Variants in HABP2 observed in about 807,000 individuals in gnomAD.
HABP2 encodes factor VII-activating protease.
HABP2 carries 65 observed loss-of-function variants against 66.5 expected under a neutral mutation model. The ratio of observed to expected loss-of-function variants is 0.98; its 90% CI spans 0.80 to 1.20. The LOEUF is 1.20. Among genes scored for constraint, HABP2 ranks in the 50% most tolerant of loss-of-function variants. The pLI is 0.00. For synonymous variants in HABP2, 263 were observed against 253.9 expected (o/e 1.04, Z -0.34); for missense variants, 786 against 691.0 (o/e 1.14, Z -1.54).
intron 1 of HABP2, among the ~76,000 whole-genome samples, chr10:113,560,548 A>G (rs1470469818): frequency 6.6e-6 from 1 of 152,244 alleles, no homozygotes; most frequent in Non-Finnish European, 1.5e-5. Context: ...GAAAGCAGAG[A>G]CTTGAACAGA....
At chr10:113,573,675 T>C (rs558400604) in intron 2 of HABP2, among the ~76,000 whole-genome samples, 2 of 152,346 alleles carry the variant, frequency 1.3e-5, no homozygotes, top group African/African-American at 4.8e-5. Context: ...AGTTAGATGG[T>C]GCATGTAAAG....
At chr10:113,559,486 C>T (rs1845061156) in intron 1 of HABP2, among the ~76,000 whole-genome samples, 1 of 152,192 alleles carries the variant, frequency 6.6e-6, no homozygotes, top group Non-Finnish European at 1.5e-5. Flanking sequence ...AAGATAGGCC[C>T]TGAGTCTCCT....
intron 1 of HABP2, among the ~76,000 whole-genome samples, chr10:113,562,083 T>A (rs1025130656): frequency 2.0e-5 from 3 of 152,138 alleles, no homozygotes; most frequent in African/African-American, 7.2e-5. Context: ...AGGGATCCAT[T>A]GAGAAAGCCC....
intron 2 of HABP2, among the ~76,000 whole-genome samples, chr10:113,572,496 A>G (rs1184830603): frequency 6.6e-6 from 1 of 152,260 alleles, no homozygotes; most frequent in East Asian, 1.9e-4. Context: ...TGGAAAAACA[A>G]AAATAAATTC....
chr10:113,564,173 C>T (rs566488807), intron 1 of HABP2, among the ~76,000 whole-genome samples: 2 of 152,080 alleles, frequency 1.3e-5, no homozygotes, highest in East Asian at 1.9e-4. Flanking sequence ...AGGGGAACTG[C>T]GCATTATAAA....
chr10:113,568,811 G>A (rs1043728629), intron 2 of HABP2, among the ~76,000 whole-genome samples: 6 of 152,154 alleles, frequency 3.9e-5, no homozygotes, highest in Non-Finnish European at 7.3e-5. Context: ...GGGAGCTATG[G>A]GGTGACACAG....
upstream of HABP2, among the ~76,000 whole-genome samples, chr10:113,551,512 A>G (rs1844898435): frequency 6.6e-6 from 1 of 152,198 alleles, no homozygotes; most frequent in Admixed American, 6.5e-5. Context: ...ACTTTCTAGG[A>G]AAAGGGACTA....
At chr10:113,577,084 T>C in intron 4 of HABP2, 66 bp from the exon 5 acceptor site, 2 of 886,946 alleles carry the variant, frequency 2.3e-6, no homozygotes, top group Non-Finnish European at 3.8e-6. Flanking sequence ...AAACATTGTT[T>C]TATACATGTA....
chr10:113,568,386 C>T, intron 2 of HABP2, among the ~76,000 whole-genome samples: 1 of 152,206 alleles, frequency 6.6e-6, no homozygotes, highest in Non-Finnish European at 1.5e-5. Context: ...ATTTATTTGG[C>T]ACAAAGATGG....
At position 113,583,298 on chromosome 10, in the gene HABP2, G is replaced by C. The variant is rs11575688; in HGVS notation, c.1177G>C (p.Glu393Gln). Residue 393 changes from glutamate (E) to glutamine (Q), a missense_variant, in exon 10 of 13, where the codon GAG becomes CAG. By Grantham distance (29) the Glu-to-Gln change is conservative. Transcript: ENST00000351270. ...ATTTCATGAGCAGAGCTTTAGGGTG[G>C]AGAAGATATTCAAGTACAGCCACTA... The part of the protein sequence containing the change: ...EEFHEQSFRV[E>Q]KIFKYSHYNE... The C allele has an allele frequency of 0.017, 27,088 of 1,611,128 alleles. 315 individuals carry two copies. Among genetic ancestry groups the C allele is most frequent in the Non-Finnish European group, 0.021 (25,116 of 1,177,204 alleles).
chr10:113,580,173 G>A (rs1449452703), intron 7 of HABP2, among the ~76,000 whole-genome samples: 1 of 138,076 alleles, frequency 7.2e-6, no homozygotes, highest in Non-Finnish European at 1.6e-5. Context: ...GGGGCGGGGG[G>A]AGGGGGGGCC....
chr10:113,553,292 G>T (rs1844932399), intron 1 of HABP2, 102 bp downstream of exon 1: 4 of 865,788 alleles, frequency 4.6e-6, no homozygotes, highest in South Asian at 4.3e-5. Flanking sequence ...TGAAAGGCTG[G>T]AGTTGCCAAG....
intron 1 of HABP2, among the ~76,000 whole-genome samples, 197 bp from the exon 2 acceptor site, chr10:113,567,292 A>G (rs972717340): frequency 6.6e-6 from 1 of 152,150 alleles, no homozygotes; most frequent in African/African-American, 2.4e-5. Flanking sequence ...CTCAGCGCGC[A>G]CAGGTGGTGG....
At position 113,580,611 on chromosome 10, in the gene HABP2, G is replaced by T; in HGVS notation, c.757G>T (p.Glu253Ter). The T allele has an allele frequency of 6.3e-7, 1 of 1,582,344 alleles. No individual in the cohort carries two copies. Among genetic ancestry groups the T allele is most frequent in the South Asian group, 1.1e-5 (1 of 90,364 alleles). Residue 253 changes from glutamate to a stop codon, truncating the protein, a stop_gained, in exon 8 of 13, where the codon GAA (glutamate) becomes TAA (stop). Transcript: ENST00000351270. LOFTEE classifies it high-confidence loss of function. ...HNFCRNPDADEKPWCFIKVTN... is the reference protein window; with the variant it reads ...HNFCRNPDAD ...GTATTTTAGAAACCCAGATGCGGAC[G>T]AAAAGCCCTGGTGCTTTATTAAAGT... is the stretch of plus-strand genomic sequence containing the variant.
chr10:113,552,098 A>C (rs780587104), upstream of HABP2, among the ~76,000 whole-genome samples: 20 of 152,258 alleles, frequency 1.3e-4, no homozygotes, highest in Non-Finnish European at 2.2e-4. Flanking sequence ...CTTGGCTTTC[A>C]GAAGTAGATG....
intron 7 of HABP2, among the ~76,000 whole-genome samples, chr10:113,579,530 G>A (rs1034376123): frequency 2.0e-5 from 3 of 152,226 alleles, no homozygotes; most frequent in African/African-American, 7.2e-5. Context: ...GTCTGTTGAA[G>A]GTGATGGTCT....
upstream of HABP2, among the ~76,000 whole-genome samples, chr10:113,552,079 G>A (rs980237427): frequency 2.0e-5 from 3 of 152,130 alleles, no homozygotes; most frequent in Non-Finnish European, 4.4e-5. Flanking sequence ...GGCCCTCCCC[G>A]GCTAGCAACT....
rs199906097 is a variant in HABP2 at position 113,578,146 on chromosome 10, G to T, written c.568+1G>T. The T allele has an allele frequency of 6.2e-7, 1 of 1,614,082 alleles. No homozygotes were observed. Among genetic ancestry groups the T allele is most frequent in the Non-Finnish European group, 8.5e-7 (1 of 1,179,968 alleles). ...TTCAAGGGGAAATTCTGTGAAATAG[G>T]TATGGGTCTCTGCCACCATCAGGGC... is the stretch of plus-strand genomic sequence containing the variant. On this transcript the variant is annotated splice_donor_variant, in intron 6 of 12. Coordinates refer to ENST00000351270, the MANE Select transcript of HABP2 (RefSeq NM_004132.5). LOFTEE classifies it high-confidence loss of function.
At chr10:113,582,172 G>T in intron 9 of HABP2, 41 bp downstream of exon 9, 1 of 1,565,474 alleles carries the variant, frequency 6.4e-7, no homozygotes, top group South Asian at 1.2e-5. Flanking sequence ...GGCTTGAGTG[G>T]CTGGGGGTGC....
Sources: allele counts gnomAD v4.1 joint callset (sites outside exome capture counted in the v4.1 genomes callset), GRCh38; gene constraint gnomAD v4.1.1; transcripts MANE v1.5; gene names NCBI Gene and HGNC (gene_info 2026-07-23, HGNC 2026-07-21).